The following CEP112 variants were observed in gnomAD, a reference collection of about 807,000 sequenced individuals.
The protein encoded by CEP112 is centrosomal protein 112, also known as centrosomal protein of 112 kDa.
CEP112 carries 127 observed loss-of-function variants against 153.0 expected under a neutral mutation model. That is an observed-to-expected ratio of 0.83 (90% CI 0.72 to 0.96). The LOEUF (loss-of-function observed/expected upper bound fraction) is 0.96, where lower values mean the gene tolerates loss of function less well. CEP112 is among the 40% of genes least tolerant of loss of function. The pLI is 0.00. For synonymous variants in CEP112, 358 were observed against 374.4 expected, an observed-to-expected ratio of 0.96 and a Z score of 0.51; for missense variants, 1,089 against 1,101.2, an observed-to-expected ratio of 0.99 and a Z score of 0.16.
At chr17:66,131,607 G>A (rs529153823) in intron 5 of CEP112, among the ~76,000 whole-genome samples, 29 of 152,208 alleles carry the variant, frequency 1.9e-4, no homozygotes, top group African/African-American at 6.5e-4. Flanking sequence ...CAGGTGTGGC[G>A]GCAGGCGCCT....
At position 65,744,722 on chromosome 17, in the gene CEP112, T is replaced by C. The variant is rs75796316; in HGVS notation, c.2458-1505A>G. On this transcript the variant is annotated intron_variant, in intron 22 of 26. Coordinates refer to ENST00000535342, the MANE Select transcript of CEP112 (RefSeq NM_001199165.4). ...CTGTTCTCTCCAGACAGCGTTCTTC[T>C]AACTTCTCAAATTAACCATCTGATG... Among the ~76,000 whole-genome samples, 571 of 152,360 alleles carry C rather than the reference T, an allele frequency of 3.7e-3. 5 individuals are homozygous for C. Among genetic ancestry groups the C allele is most frequent in the African/African-American group, 0.013 (551 of 41,592 alleles).
At chr17:65,789,238 G>A (rs533441289) in intron 21 of CEP112, among the ~76,000 whole-genome samples, 56 of 152,042 alleles carry the variant, frequency 3.7e-4, no homozygotes, top group African/African-American at 1.2e-3. Context: ...CCTCTCTCTC[G>A]CTCTTGACAG....
intron 10 of CEP112, among the ~76,000 whole-genome samples, chr17:66,063,974 G>GA (rs1283757939): frequency 6.6e-6 from 1 of 152,030 alleles, no homozygotes; most frequent in Non-Finnish European, 1.5e-5. Context: ...ACTCTCAACT[G>GA]AAAAATCACA....
intron 18 of CEP112, among the ~76,000 whole-genome samples, chr17:65,955,258 G>A (rs575098667): frequency 2.3e-4 from 35 of 152,154 alleles, no homozygotes; most frequent in Admixed American, 5.9e-4. Flanking sequence ...TGTATCCAGC[G>A]AAAGTAAGCT....
At chr17:65,922,187 G>A (rs2060755975) in intron 19 of CEP112, among the ~76,000 whole-genome samples, 1 of 152,036 alleles carries the variant, frequency 6.6e-6, no homozygotes, top group Non-Finnish European at 1.5e-5. Context: ...AACACCAAGA[G>A]TAACGATGTT....
At chr17:66,111,950 T>A (rs1397855630) in intron 6 of CEP112, among the ~76,000 whole-genome samples, 2 of 152,066 alleles carry the variant, frequency 1.3e-5, no homozygotes, top group African/African-American at 4.8e-5. Context: ...CTGAGAGATG[T>A]TTGCACAAAT....
intron 21 of CEP112, among the ~76,000 whole-genome samples, chr17:65,789,586 T>C (rs1598590765): frequency 6.6e-6 from 1 of 152,138 alleles, no homozygotes; most frequent in Admixed American, 6.6e-5. Flanking sequence ...AGACTTTAGT[T>C]CCCTGAATAT....
intron 19 of CEP112, among the ~76,000 whole-genome samples, chr17:65,915,155 G>A (rs1161961307): frequency 6.6e-6 from 1 of 152,144 alleles, no homozygotes; most frequent in Non-Finnish European, 1.5e-5. Context: ...AGTGTTGGCA[G>A]CCCCTAGACT....
chr17:65,831,075 C>A (rs1032149836), intron 21 of CEP112, among the ~76,000 whole-genome samples: 1 of 152,186 alleles, frequency 6.6e-6, no homozygotes, highest in African/African-American at 2.4e-5. Flanking sequence ...AGGTCTGATA[C>A]CACCAAAGAA....
intron 17 of CEP112, among the ~76,000 whole-genome samples, chr17:65,971,190 C>G (rs934255913): frequency 3.4e-5 from 5 of 147,688 alleles, no homozygotes; most frequent in Non-Finnish European, 7.5e-5. Context: ...ACAGCACATG[C>G]ATATCACATT....
chr17:65,842,661 A>T (rs2057564682), intron 21 of CEP112, among the ~76,000 whole-genome samples: 1 of 152,162 alleles, frequency 6.6e-6, no homozygotes, highest in Non-Finnish European at 1.5e-5. Context: ...ATATTATTCT[A>T]ATACTTGTTT....
intron 20 of CEP112, among the ~76,000 whole-genome samples, chr17:65,866,931 T>C (rs1001139591): frequency 6.6e-6 from 1 of 150,920 alleles, no homozygotes; most frequent in Admixed American, 6.6e-5. Context: ...GACAAGAACT[T>C]GGGACCTGCC....
chr17:65,652,333 C>T (rs148755594), intron 24 of CEP112, among the ~76,000 whole-genome samples: 134 of 152,158 alleles, frequency 8.8e-4, no homozygotes, highest in African/African-American at 3.1e-3. Context: ...CTCTGTGCCT[C>T]AGTTTTCTTA....
intron 20 of CEP112, among the ~76,000 whole-genome samples, chr17:65,869,851 C>T (rs2058597739): frequency 6.6e-6 from 1 of 151,882 alleles, no homozygotes; most frequent in African/African-American, 2.4e-5. Flanking sequence ...TCCCAAAGTG[C>T]TGGGATTACA....
rs192511554 is a variant in CEP112, at chr17:65,732,012, C to T, written c.2607+11056G>A. 5.3e-5 allele frequency among the ~76,000 whole-genome samples: 8 copies of T among 152,330 alleles called. No homozygotes were observed. The East Asian group carries it at 1.4e-3, about 26-fold the overall frequency. The stretch of plus-strand genomic sequence containing the variant: ...CCTCCTCCCATGAATCAAAAATGTT[C>T]TTAATGGCTCTAAAATGGTGAAGCC... On this transcript the variant is annotated intron_variant, in intron 23 of 26. Coordinates refer to ENST00000535342, the MANE Select transcript of CEP112 (RefSeq NM_001199165.4).
chr17:65,828,457 A>T (rs939138669), intron 21 of CEP112, among the ~76,000 whole-genome samples: 3 of 152,200 alleles, frequency 2.0e-5, no homozygotes, highest in Non-Finnish European at 4.4e-5. Context: ...AGAGATGGAG[A>T]CAGTATGTTG....
At chr17:65,843,351 C>T (rs762440448) in intron 21 of CEP112, among the ~76,000 whole-genome samples, 31 of 152,024 alleles carry the variant, frequency 2.0e-4, no homozygotes, top group Admixed American at 1.4e-3. Context: ...AAAAAATATA[C>T]GGGATATTGT....
At chr17:65,752,127 T>C (rs1365526775) in intron 21 of CEP112, among the ~76,000 whole-genome samples, 1 of 152,086 alleles carries the variant, frequency 6.6e-6, no homozygotes, top group African/African-American at 2.4e-5. Context: ...TTCTGCTCAG[T>C]AGAGTGTGTG....
At chr17:65,754,864 T>G (rs750088631) in intron 21 of CEP112, among the ~76,000 whole-genome samples, 1 of 152,062 alleles carries the variant, frequency 6.6e-6, no homozygotes, top group Non-Finnish European at 1.5e-5. Context: ...TGTTCTTACT[T>G]GTAAGTGGGA....
Sources: gnomAD v4.1 joint callset for allele counts (sites outside exome capture counted in the v4.1 genomes callset) on GRCh38, gnomAD v4.1.1 for gene constraint, MANE v1.5 for transcripts, NCBI Gene and HGNC (gene_info 2026-07-23, HGNC 2026-07-21) for gene names.